The following SOAT2 variants were observed in gnomAD, a reference collection of about 807,000 sequenced individuals.
The protein encoded by SOAT2 is sterol O-acyltransferase 2.
A neutral mutation model predicts 76.0 loss-of-function variants in SOAT2; 87 were observed. The observed-to-expected ratio is 1.14, with a 90% CI of 0.96 to 1.37. The LOEUF is 1.37. Among genes scored for constraint, SOAT2 ranks in the 40% most tolerant of loss-of-function variants. SOAT2 has a pLI of 0.00. For synonymous variants in SOAT2, 285 were observed against 275.4 expected, an observed-to-expected ratio of 1.03 and a Z score of -0.34; for missense variants, 686 against 682.1, an observed-to-expected ratio of 1.01 and a Z score of -0.06.
At chr12:53,110,451 T>G (rs1206003263) in intron 5 of SOAT2, among the ~76,000 whole-genome samples, 1 of 152,226 alleles carries the variant, frequency 6.6e-6, no homozygotes, top group Non-Finnish European at 1.5e-5. Context: ...TGTATAACAT[T>G]TCTTGTATAA....
At chr12:53,111,295 G>C (rs911552932) in intron 5 of SOAT2, among the ~76,000 whole-genome samples, 3 of 152,086 alleles carry the variant, frequency 2.0e-5, no homozygotes, top group African/African-American at 7.2e-5. Flanking sequence ...TTTTAGTAGA[G>C]ACGGGGTTTC....
At position 53,108,565 on chromosome 12, in the gene SOAT2, CAAAAG is replaced by C. The variant is rs543099179; in HGVS notation, c.443+2557_443+2561del. Among the ~76,000 whole-genome samples the C allele has an allele frequency of 1.3e-3, 202 of 152,212 alleles. 1 individual carries two copies. Among genetic ancestry groups the C allele is most frequent in the Admixed American group, 7.3e-3 (111 of 15,290 alleles). On this transcript the variant is annotated intron_variant, in intron 5 of 14. Transcript: ENST00000301466. ...TAATTGTTAAAAGCTATTAATAGCT[CAAAAG>C]AAAAGTTTCCTTGACTCTGCAAAGC...
intron 3 of SOAT2, 141 bp downstream of exon 3, chr12:53,105,384 C>T (rs1937919156): frequency 8.0e-7 from 1 of 1,242,832 alleles, no homozygotes; most frequent in African/African-American, 1.5e-5. Flanking sequence ...TAACACTGAC[C>T]TCCATCTACT....
At chr12:53,109,194 G>A (rs544039741) in intron 5 of SOAT2, among the ~76,000 whole-genome samples, 2 of 152,116 alleles carry the variant, frequency 1.3e-5, no homozygotes, top group South Asian at 2.1e-4. Flanking sequence ...CCAAGATCAC[G>A]CCACTGCACT....
In SOAT2 at chr12:53,104,163, C is replaced by T. The variant is rs747295597; in HGVS notation, c.95C>T (p.Thr32Met). Residue 32 changes from threonine to methionine, a missense_variant, in exon 2 of 15, where the codon ACG becomes ATG. Physicochemically the swap from Thr to Met is moderately conservative, Grantham distance 81. Transcript: ENST00000301466. ...RQPCGDGNTE[T>M]HRAPDLVQWT... The stretch of plus-strand genomic sequence containing the variant: ...TCCCTCCTCACAGGAAACACTGAGA[C>T]GCACAGAGCCCCGGACTTGGTACAA... 8.1e-6 allele frequency: 13 copies of T among 1,613,402 alleles called. No homozygotes were observed. Among genetic ancestry groups the T allele is most frequent in the East Asian group, 4.5e-5 (2 of 44,876 alleles).
intron 12 of SOAT2, among the ~76,000 whole-genome samples, chr12:53,122,180 C>G (rs1592280294): frequency 1.3e-5 from 2 of 150,044 alleles, no homozygotes; most frequent in Non-Finnish European, 3.0e-5. Flanking sequence ...CGCCACACTC[C>G]CCCTGGCTTC....
chr12:53,106,125 T>C (rs1429209708), intron 5 of SOAT2, 111 bp downstream of exon 5: 8 of 689,748 alleles, frequency 1.2e-5, no homozygotes, highest in Non-Finnish European at 1.8e-5. Flanking sequence ...CCTTTGGTTA[T>C]TGGACATGTA....
At chr12:53,109,141 G>C (rs1043634357) in intron 5 of SOAT2, among the ~76,000 whole-genome samples, 2 of 152,164 alleles carry the variant, frequency 1.3e-5, no homozygotes, top group African/African-American at 4.8e-5. Context: ...AGAGACTCAG[G>C]CAGAAGAATC....
intron 13 of SOAT2, 90 bp from the exon 14 acceptor site, chr12:53,123,638 C>A: frequency 6.7e-7 from 1 of 1,493,652 alleles, no homozygotes; most frequent in Non-Finnish European, 9.2e-7. Flanking sequence ...CCTTCTTGTT[C>A]CATCTCTTCC....
rs1938179797 is a variant in SOAT2 at position 53,120,834 on chromosome 12, T to TCAA, written c.1090_1092dup (p.Asn364dup). ...TTCTTTGCCTTCCTCCATTGCTGGC[T>TCAA]CAACGCCTTTGCCGAGATGCTACGA... On this transcript the variant is annotated inframe_insertion, in exon 11 of 15. Transcript: ENST00000301466. 6.2e-7 allele frequency: 1 copy of TCAA among 1,614,082 alleles called. No homozygotes were observed. Among genetic ancestry groups the TCAA allele is most frequent in the Non-Finnish European group, 8.5e-7 (1 of 1,179,986 alleles).
chr12:53,111,650 T>C (rs1938013909), intron 5 of SOAT2, among the ~76,000 whole-genome samples: 1 of 152,218 alleles, frequency 6.6e-6, no homozygotes, highest in Non-Finnish European at 1.5e-5. Flanking sequence ...TTTGACACCT[T>C]ATAGTATTTG....
rs999809104 is a variant in SOAT2 at position 53,121,022 on chromosome 12, G to A, written c.1137+139G>A. ...TAATAAGAAATGCAGTCCTCTGGAT[G>A]TGCTTATAATGCCACCCCTCCACCT... On this transcript the variant is annotated intron_variant, in intron 11 of 14. Transcript: ENST00000301466. The A allele has an allele frequency of 6.1e-5, 44 of 724,070 alleles. No individual in the cohort carries two copies. In the African/African-American group the frequency reaches 7.1e-4, roughly 12 times the overall value. 44.9% of individuals were successfully genotyped at this position (724,070 alleles called of 1,614,324 possible).
chr12:53,104,974 T>C, intron 2 of SOAT2, 133 bp from the exon 3 acceptor site: 1 of 978,694 alleles, frequency 1.0e-6, no homozygotes, highest in Non-Finnish European at 1.4e-6. Context: ...CCATCCCTGC[T>C]GACCCCCCAG....
intron 5 of SOAT2, among the ~76,000 whole-genome samples, chr12:53,107,621 A>AATTTTTTTTTTTTTTT (rs1565625989): frequency 8.2e-6 from 1 of 122,354 alleles, no homozygotes; most frequent in African/African-American, 3.8e-5. Context: ...CAACAGATGT[A>AATTTTTTTTTTTTTTT]CTTTTTTTTT....
chr12:53,121,275 TC>T (rs769266289), intron 11 of SOAT2, 27 bp from the exon 12 acceptor site: 1 of 1,540,780 alleles, frequency 6.5e-7, no homozygotes. Context: ...TTACCTCCTT[TC>T]CCCCACTCTG....
intron 11 of SOAT2, 149 bp from the exon 12 acceptor site, chr12:53,121,154 G>A: frequency 3.0e-6 from 2 of 672,442 alleles, no homozygotes; most frequent in Non-Finnish European, 5.4e-6. Context: ...GAGGAGGGAG[G>A]TGGGAGAGTG....
At chr12:53,117,262 AT>A (rs34151150) in intron 7 of SOAT2, among the ~76,000 whole-genome samples, 258 of 109,016 alleles carry the variant, frequency 2.4e-3, no homozygotes, top group South Asian at 7.4e-3. Flanking sequence ...CGCCCGGCCA[AT>A]TTTTTTTTTT....
At chr12:53,117,266 T>TTA (rs1438126456) in intron 7 of SOAT2, among the ~76,000 whole-genome samples, 76 of 145,924 alleles carry the variant, frequency 5.2e-4, no homozygotes, top group African/African-American at 1.8e-3. Context: ...CGGCCAATTT[T>TTA]TTTTTTTTTT....
rs774162794 is a variant in SOAT2, at chr12:53,105,200, C to T, written c.232C>T (p.Gln78Ter). The T allele has an allele frequency of 2.5e-6, 4 of 1,601,930 alleles. No individual in the cohort carries two copies. The highest frequency in any genetic ancestry group is 1.1e-5 in the South Asian group (1 of 88,732). The change falls in exon 3 of 15, where the codon CAA becomes TAA. Residue 78 changes from glutamine to a stop codon, truncating the protein, a stop_gained. Coordinates refer to ENST00000301466, the MANE Select transcript of SOAT2 (RefSeq NM_003578.4). LOFTEE classifies it high-confidence loss of function. Reference protein sequence around the residue: ...MREAIQSYPSQDKPLPPPPPG... With the variant: ...MREAIQSYPS ...GGAGGCTATACAATCCTACCCATCACAAGACAAACCTCTGCCCCCACCTCC... is the reference window on the plus strand; with the variant it reads ...GGAGGCTATACAATCCTACCCATCATAAGACAAACCTCTGCCCCCACCTCC...
Sources: gnomAD v4.1 joint callset for allele counts (sites outside exome capture counted in the v4.1 genomes callset) on GRCh38, gnomAD v4.1.1 for gene constraint, MANE v1.5 for transcripts, NCBI Gene and HGNC (gene_info 2026-07-23, HGNC 2026-07-21) for gene names.